The following ZNF407 variants were observed in gnomAD, a reference collection of about 807,000 sequenced individuals.
The protein encoded by ZNF407 is zinc finger protein 407.
Under a neutral mutation model 131.2 loss-of-function variants are expected in ZNF407, and 17 were observed. The ratio of observed to expected loss-of-function variants is 0.13; its 90% CI spans 0.09 to 0.19. ZNF407 has a LOEUF of 0.19. Ranked by LOEUF, ZNF407 falls within the 10% of genes least tolerant of loss-of-function variation. The pLI is 1.00. For synonymous variants in ZNF407, 1,156 were observed against 1,062.0 expected (o/e 1.09, Z -1.72); for missense variants, 2,681 against 2,830.6 (o/e 0.95, Z 1.20).
At chr18:74,897,334 T>C (rs1971465840) in intron 7 of ZNF407, among the ~76,000 whole-genome samples, 1 of 152,242 alleles carries the variant, frequency 6.6e-6, no homozygotes, top group Admixed American at 6.5e-5. Flanking sequence ...AATAAGTTGC[T>C]TTGTTTGTTG....
intron 3 of ZNF407, among the ~76,000 whole-genome samples, chr18:74,750,158 A>G (rs1319474380): frequency 6.6e-6 from 1 of 152,104 alleles, no homozygotes; most frequent in Non-Finnish European, 1.5e-5. Flanking sequence ...AATCCTAGTT[A>G]TCTGTACATT....
At chr18:75,038,159 G>A (rs1192454558) in intron 8 of ZNF407, among the ~76,000 whole-genome samples, 1 of 152,204 alleles carries the variant, frequency 6.6e-6, no homozygotes, top group African/African-American at 2.4e-5. Flanking sequence ...GGGTTTATCA[G>A]CTAAGCTGTT....
chr18:74,633,971 T>C lies in ZNF407; in HGVS notation c.2952T>C (p.His984=). The C allele has an allele frequency of 6.2e-7, 1 of 1,614,032 alleles. No homozygotes were observed. The highest frequency in any genetic ancestry group is 8.5e-7 in the Non-Finnish European group (1 of 1,179,898). ...CTCTAGATGGAGAAGTTAACAGCCA[T>C]CTTCTTGATAAAAAGGAGCAAATAT... The part of the protein sequence containing the change: ...FHSLDGEVNS[H]LLDKKEQISS... Residue 984 remains histidine, a synonymous_variant, in exon 2 of 9, where the codon CAT becomes CAC. Coordinates refer to ENST00000299687, the MANE Select transcript of ZNF407 (RefSeq NM_017757.3).
At chr18:74,606,975 G>A (rs2144611643) in intron 1 of ZNF407, among the ~76,000 whole-genome samples, 1 of 152,270 alleles carries the variant, frequency 6.6e-6, no homozygotes, top group South Asian at 2.1e-4. Flanking sequence ...TGCTACCGTA[G>A]GGTTATCACC....
chr18:74,997,496 T>TA lies in ZNF407; in HGVS notation c.5429-65646dup, dbSNP rs369485451. On this transcript the variant is annotated intron_variant, in intron 8 of 8. Transcript: ENST00000299687. The stretch of plus-strand genomic sequence containing the variant: ...AAAATAGACATAACAAAAACTTAAG[T>TA]AAAAAAAATAAATAAAAAGACTAAA... Among the ~76,000 whole-genome samples the TA allele has an allele frequency of 1.2e-4, 19 of 152,010 alleles. 1 individual carries two copies. The highest frequency in any genetic ancestry group is 4.3e-4 in the African/African-American group (18 of 41,466).
rs1364565833 is a variant in ZNF407 at position 75,012,037 on chromosome 18, C to T, written c.5429-51113C>T. Among the ~76,000 whole-genome samples the T allele has an allele frequency of 2.0e-5, 3 of 152,090 alleles. No individual in the cohort carries two copies. The East Asian group carries it at 5.8e-4, about 29-fold the overall frequency. On this transcript the variant is annotated intron_variant, in intron 8 of 8. Transcript: ENST00000299687. ...ACTCTTCTTTTTAAACCTGCAAAAA[C>T]AAGTTTCACCTGGTTATTGATATAT...
chr18:74,689,432 G>A (rs1370871101), intron 3 of ZNF407, among the ~76,000 whole-genome samples: 1 of 152,154 alleles, frequency 6.6e-6, no homozygotes, highest in Non-Finnish European at 1.5e-5. Flanking sequence ...TCATTGCATT[G>A]TCATCCCCTT....
chr18:74,735,950 T>C lies in ZNF407; in HGVS notation c.4803-45478T>C, dbSNP rs1437636111. Reference sequence around the variant, plus strand: ...CTAACTACTAATTGATTACAGTAATTACACAGTCTTTGGCTAGTTTGTATT... The same window carrying C: ...CTAACTACTAATTGATTACAGTAATCACACAGTCTTTGGCTAGTTTGTATT... On this transcript the variant is annotated intron_variant, in intron 3 of 8. Transcript: ENST00000299687. Among the ~76,000 whole-genome samples, 4 of 152,218 alleles carry C rather than the reference T, an allele frequency of 2.6e-5. 1 individual carries two copies. The highest frequency in any genetic ancestry group is 2.0e-4 in the Admixed American group (3 of 15,284).
intron 3 of ZNF407, among the ~76,000 whole-genome samples, chr18:74,667,632 T>G (rs2144744626): frequency 6.6e-6 from 1 of 152,324 alleles, no homozygotes; most frequent in East Asian, 1.9e-4. Context: ...CATGACCAAG[T>G]GTGCTTGTAG....
Position 74,789,975 on chromosome 18 carries a change from G to C in ZNF407, c.4877+8473G>C, listed in dbSNP as rs561899816. 6.9e-4 allele frequency among the ~76,000 whole-genome samples: 105 copies of C among 151,272 alleles called. 1 individual carries two copies. The highest frequency in any genetic ancestry group is 2.4e-3 in the African/African-American group (100 of 41,212). ...TCTTTATTTCAAGTCCCAGTCTGAT[G>C]CCCTGGCCACTGTCTTCTGTGAGTC... is the stretch of plus-strand genomic sequence containing the variant. On this transcript the variant is annotated intron_variant, in intron 4 of 8. Coordinates refer to ENST00000299687, the MANE Select transcript of ZNF407 (RefSeq NM_017757.3).
Position 74,634,125 on chromosome 18 carries a change from G to A in ZNF407, c.3106G>A (p.Val1036Ile). ...CTCCTCTGCTTCTCTAGAGCTGCAT[G>A]TAAAACGGAAACATACAAAAGAGTT... ...AHSSASLELH[V>I]KRKHTKEFEF... Residue 1036 changes from valine (V) to isoleucine (I), a missense_variant, in exon 2 of 9, where the codon GTA becomes ATA. Val to Ile is a conservative substitution (Grantham distance 29). Transcript: ENST00000299687. 1.2e-6 allele frequency: 2 copies of A among 1,614,060 alleles called. No homozygotes were observed. The highest frequency in any genetic ancestry group is 1.7e-6 in the Non-Finnish European group (2 of 1,179,908).
intron 4 of ZNF407, among the ~76,000 whole-genome samples, chr18:74,804,950 T>C (rs1970086408): frequency 6.6e-6 from 1 of 152,210 alleles, no homozygotes; most frequent in African/African-American, 2.4e-5. Flanking sequence ...ACACCTGGGC[T>C]GCCAGGTCAC....
chr18:74,638,223 A>G (rs1984549449), intron 2 of ZNF407, among the ~76,000 whole-genome samples: 1 of 152,236 alleles, frequency 6.6e-6, no homozygotes, highest in East Asian at 1.9e-4. Flanking sequence ...AATACGTGAC[A>G]AAGGACAGAC....
intron 4 of ZNF407, among the ~76,000 whole-genome samples, chr18:74,824,371 A>G (rs1415490224): frequency 2.0e-5 from 3 of 152,224 alleles, no homozygotes; most frequent in Non-Finnish European, 2.9e-5. Flanking sequence ...TCAGAGCCAA[A>G]TTGAAGGAGA....
At chr18:74,698,682 G>A (rs1967419290) in intron 3 of ZNF407, among the ~76,000 whole-genome samples, 1 of 152,180 alleles carries the variant, frequency 6.6e-6, no homozygotes, top group Non-Finnish European at 1.5e-5. Context: ...TTACCCTCAA[G>A]AACATATGAT....
At chr18:75,026,112 C>T (rs1161040507) in intron 8 of ZNF407, among the ~76,000 whole-genome samples, 5 of 149,648 alleles carry the variant, frequency 3.3e-5, no homozygotes, top group South Asian at 2.1e-4. Flanking sequence ...ACAGAAAATG[C>T]GACAATATTC....
At chr18:74,824,488 G>T (rs1970382734) in intron 4 of ZNF407, among the ~76,000 whole-genome samples, 1 of 152,130 alleles carries the variant, frequency 6.6e-6, no homozygotes, top group African/African-American at 2.4e-5. Flanking sequence ...AAGAAGAAAA[G>T]AGAGAAGAAT....
chr18:75,036,686 C>T (rs1973312375), intron 8 of ZNF407, among the ~76,000 whole-genome samples: 1 of 152,158 alleles, frequency 6.6e-6, no homozygotes, highest in Admixed American at 6.5e-5. Flanking sequence ...GTACTTTTTC[C>T]AAGGTGAATG....
intron 1 of ZNF407, among the ~76,000 whole-genome samples, chr18:74,609,199 G>A (rs1030713831): frequency 2.0e-5 from 3 of 152,160 alleles, no homozygotes; most frequent in Non-Finnish European, 4.4e-5. Flanking sequence ...CAGTTCTTTT[G>A]CTGTGGTTCT....
Sources: allele counts gnomAD v4.1 joint callset (sites outside exome capture counted in the v4.1 genomes callset), GRCh38; gene constraint gnomAD v4.1.1; transcripts MANE v1.5; gene names NCBI Gene and HGNC (gene_info 2026-07-23, HGNC 2026-07-21).